The following ACER1 variants were observed in gnomAD, a reference collection of about 807,000 sequenced individuals.
ACER1 encodes the protein alkaline ceramidase 1, also known as CTB-180A7.3.
In ACER1, 28 loss-of-function variants were observed where a neutral mutation model predicts 24.9. The observed-to-expected ratio is 1.13, with a 90% CI of 0.83 to 1.54. The LOEUF (loss-of-function observed/expected upper bound fraction) is 1.54, where lower values mean the gene tolerates loss of function less well. ACER1 is among the 40% of genes most tolerant of loss of function. The pLI, the probability that ACER1 is intolerant of heterozygous loss-of-function variation, is 0.00. For missense variants in ACER1, 352 were observed against 349.3 expected (o/e 1.01, Z -0.06); for synonymous variants, 132 against 131.4 (o/e 1.00, Z -0.03).
At chr19:6,311,660 G>GAA (rs2091582373) in intron 3 of ACER1, among the ~76,000 whole-genome samples, 1 of 151,318 alleles carries the variant, frequency 6.6e-6, no homozygotes, top group Non-Finnish European at 1.5e-5. Flanking sequence ...AGAAGGAGGA[G>GAA]GAGAAGGAGG....
intron 4 of ACER1, 141 bp from the exon 5 acceptor site, chr19:6,307,431 G>A (rs1302116549): frequency 4.3e-6 from 4 of 923,538 alleles, no homozygotes; most frequent in Middle Eastern, 3.4e-4. Flanking sequence ...CAAGCAGAGG[G>A]GGCCCAATCT....
the ACER1 span, among the ~76,000 whole-genome samples, chr19:6,358,964 C>T: frequency 7.0e-6 from 1 of 143,864 alleles, no homozygotes; most frequent in African/African-American, 2.8e-5. Context: ...TCCAGCTGGG[C>T]ATGATGGTTC....
At position 6,306,426 on chromosome 19, in the gene ACER1, T is replaced by C. The variant is rs1224887863; in HGVS notation, c.*288A>G. ...ACAGTCCCACCAGCTCATGTGACAA[T>C]GGTCACTGGGAGGCTGTGGACACAG... On this transcript the variant is annotated 3_prime_UTR_variant, in exon 6 of 6. Coordinates refer to ENST00000301452, the MANE Select transcript of ACER1 (RefSeq NM_133492.3). The C allele has an allele frequency of 8.8e-6, 3 of 340,304 alleles. No individual in the cohort carries two copies. The highest frequency in any genetic ancestry group is 1.7e-5 in the Non-Finnish European group (3 of 181,554). 21.1% of individuals were successfully genotyped at this position (340,304 alleles called of 1,614,324 possible). A position where few individuals can be genotyped will look rare whatever the true frequency, so the allele number is the denominator to read the frequency against.
At chr19:6,320,626 TA>T (rs1169617920) in intron 1 of ACER1, among the ~76,000 whole-genome samples, 1 of 152,110 alleles carries the variant, frequency 6.6e-6, no homozygotes, top group Non-Finnish European at 1.5e-5. Context: ...TGCACACAAT[TA>T]ATTCCTAATC....
intron 1 of ACER1, among the ~76,000 whole-genome samples, chr19:6,321,971 G>A (rs1269485226): frequency 6.6e-6 from 1 of 152,100 alleles, no homozygotes; most frequent in Non-Finnish European, 1.5e-5. Flanking sequence ...GCAGAGCCTG[G>A]TGCTCCTGCA....
the ACER1 span, among the ~76,000 whole-genome samples, chr19:6,350,216 C>T: frequency 2.0e-5 from 3 of 151,576 alleles, no homozygotes; most frequent in Non-Finnish European, 4.4e-5. Context: ...GCCTGTAATC[C>T]CAGCACTTTG....
the ACER1 span, among the ~76,000 whole-genome samples, chr19:6,354,994 C>T: frequency 2.0e-5 from 3 of 152,130 alleles, no homozygotes; most frequent in Non-Finnish European, 2.9e-5. Context: ...GACTGGTTTT[C>T]GTATTTTTTT....
the ACER1 span, among the ~76,000 whole-genome samples, chr19:6,347,262 C>A: frequency 1.4e-5 from 2 of 140,392 alleles, no homozygotes; most frequent in Non-Finnish European, 3.0e-5. Context: ...ACTTTGTCAT[C>A]CAGACTGGAG....
At chr19:6,310,885 A>G (rs373576134) in intron 3 of ACER1, among the ~76,000 whole-genome samples, 5 of 151,810 alleles carry the variant, frequency 3.3e-5, no homozygotes, top group African/African-American at 1.2e-4. Context: ...CTAAAAAAAA[A>G]AAAAAAAAGA....
At chr19:6,323,066 C>G (rs990538168) in intron 1 of ACER1, among the ~76,000 whole-genome samples, 3 of 151,974 alleles carry the variant, frequency 2.0e-5, no homozygotes, top group Non-Finnish European at 2.9e-5. Context: ...GAACGGAGAT[C>G]ACGCCATTGC....
chr19:6,310,961 G>C (rs917402254), intron 3 of ACER1, among the ~76,000 whole-genome samples: 1 of 151,876 alleles, frequency 6.6e-6, no homozygotes, highest in Non-Finnish European at 1.5e-5. Context: ...GTCTCAGGGA[G>C]CCCAGGTGAG....
At chr19:6,336,602 C>T (rs879713530), upstream of ACER1, among the ~76,000 whole-genome samples, 2 of 151,920 alleles carry the variant, frequency 1.3e-5, no homozygotes, top group East Asian at 3.9e-4. Context: ...AGGCGGATCA[C>T]GAGGTCAGGA....
intron 1 of ACER1, among the ~76,000 whole-genome samples, chr19:6,320,996 T>C (rs1208949628): frequency 6.6e-6 from 1 of 152,054 alleles, no homozygotes; most frequent in Non-Finnish European, 1.5e-5. Flanking sequence ...GTTGTTTTTT[T>C]TTTTTTAACA....
chr19:6,312,299 G>A lies in ACER1; in HGVS notation c.209-9C>T. On this transcript the variant is annotated splice_polypyrimidine_tract_variant and intron_variant, in intron 2 of 5. Transcript: ENST00000301452. Reference sequence around the variant, plus strand: ...ATACATGGAGAACAGGCCTGCAGCGGCAAGGGCAGGCGGTCAGTGGGGTCC... The same window carrying A: ...ATACATGGAGAACAGGCCTGCAGCGACAAGGGCAGGCGGTCAGTGGGGTCC... 6.2e-7 allele frequency: 1 copy of A among 1,614,002 alleles called. No homozygotes were observed. Among genetic ancestry groups the A allele is most frequent in the African/African-American group, 1.3e-5 (1 of 75,034 alleles).
chr19:6,346,043 A>C, the ACER1 span, among the ~76,000 whole-genome samples: 1 of 152,084 alleles, frequency 6.6e-6, no homozygotes, highest in African/African-American at 2.4e-5. Flanking sequence ...ATCATCTTCC[A>C]AGGTGGGTTA....
intron 1 of ACER1, among the ~76,000 whole-genome samples, chr19:6,328,021 A>G (rs1461951842): frequency 1.3e-5 from 2 of 151,512 alleles, no homozygotes; most frequent in African/African-American, 4.9e-5. Context: ...GGTTGTGGTG[A>G]GCCAAGATTG....
upstream of ACER1, among the ~76,000 whole-genome samples, chr19:6,337,828 A>C (rs1340653599): frequency 6.7e-6 from 1 of 149,292 alleles, no homozygotes; most frequent in Non-Finnish European, 1.5e-5. Context: ...GGCACCCACC[A>C]CCAACGCCTG....
At chr19:6,355,065 T>C in the ACER1 span, among the ~76,000 whole-genome samples, 1 of 152,104 alleles carries the variant, frequency 6.6e-6, no homozygotes, top group Non-Finnish European at 1.5e-5. Flanking sequence ...GTGCGAGTGA[T>C]CCGCCAGCCT....
the ACER1 span, among the ~76,000 whole-genome samples, chr19:6,359,793 A>T: frequency 6.6e-6 from 1 of 152,158 alleles, no homozygotes; most frequent in Admixed American, 6.5e-5. Context: ...ACCCTTTCTG[A>T]GGACTTTCTG....
Sources: allele counts gnomAD v4.1 joint callset (sites outside exome capture counted in the v4.1 genomes callset), GRCh38; gene constraint gnomAD v4.1.1; transcripts MANE v1.5; gene names NCBI Gene and HGNC (gene_info 2026-07-23, HGNC 2026-07-21).